PHF21A: variants seen among roughly 807,000 people sequenced by gnomAD.
PHF21A encodes BHC80a.
In PHF21A, 11 loss-of-function variants were observed where a neutral mutation model predicts 82.5. The observed-to-expected ratio is 0.13, with a 90% CI of 0.08 to 0.22. The LOEUF (loss-of-function observed/expected upper bound fraction) is 0.22, where lower values mean the gene tolerates loss of function less well. Ranked by LOEUF, PHF21A falls within the 10% of genes least tolerant of loss-of-function variation. The pLI is 1.00. For missense variants in PHF21A, 579 were observed against 837.8 expected, an observed-to-expected ratio of 0.69 and a Z score of 3.81; for synonymous variants, 297 against 302.8, an observed-to-expected ratio of 0.98 and a Z score of 0.20.
intron 6 of PHF21A, among the ~76,000 whole-genome samples, chr11:46,076,489 A>G (rs2096727417): frequency 6.6e-6 from 1 of 152,228 alleles, no homozygotes; most frequent in Non-Finnish European, 1.5e-5. Context: ...GGTAAACTAT[A>G]GAGTTTAATT....
intron 9 of PHF21A, among the ~76,000 whole-genome samples, chr11:45,966,199 C>T (rs1404676781): frequency 6.6e-6 from 1 of 152,204 alleles, no homozygotes; most frequent in Non-Finnish European, 1.5e-5. Flanking sequence ...TGAAGACTCA[C>T]ACTTTTACCT....
In PHF21A at chr11:45,933,788, A is replaced by AT; in HGVS notation, c.*179dup. 1 of 556,242 alleles carries AT rather than the reference A, an allele frequency of 1.8e-6. No individual in the cohort carries two copies. The highest frequency in any genetic ancestry group is 3.1e-6 in the Non-Finnish European group (1 of 322,602). The allele number at this position is 556,242 out of a possible 1,614,324, so 34.5% of individuals were successfully genotyped here. On this transcript the variant is annotated 3_prime_UTR_variant, in exon 19 of 19. Transcript: ENST00000676320. Reference sequence around the variant, plus strand: ...TCCAATCTTTGCATGTACACACAGAATAAGAAGGATCAATTGGCAAACTCT... The same window carrying AT: ...TCCAATCTTTGCATGTACACACAGAATTAAGAAGGATCAATTGGCAAACTCT...
Position 45,949,492 on chromosome 11 carries a change from G to T in PHF21A, c.1148-11C>A, listed in dbSNP as rs1425926409. 1 of 1,612,764 alleles carries T rather than the reference G, an allele frequency of 6.2e-7. No individual in the cohort carries two copies. The highest frequency in any genetic ancestry group is 8.5e-7 in the Non-Finnish European group (1 of 1,178,718). ...TCTTGCTTTGGATTTCTTGAGAGAAGAAAAGGTTTTCATTAGCAGAGAGGC... is the reference window on the plus strand; with the variant it reads ...TCTTGCTTTGGATTTCTTGAGAGAATAAAAGGTTTTCATTAGCAGAGAGGC... On this transcript the variant is annotated splice_polypyrimidine_tract_variant and intron_variant, in intron 12 of 18. Coordinates refer to ENST00000676320, the MANE Select transcript of PHF21A (RefSeq NM_001352027.3).
intron 11 of PHF21A, 97 bp from the exon 12 acceptor site, chr11:45,950,354 TG>T: frequency 1.1e-6 from 1 of 943,120 alleles, no homozygotes; most frequent in South Asian, 1.5e-5. Context: ...GCCAGCCCAA[TG>T]GGCGGGTCTC....
rs144154266 is a variant in PHF21A, at chr11:46,011,451, C to T, written c.154-31485G>A. 1.6e-3 allele frequency among the ~76,000 whole-genome samples: 250 copies of T among 151,898 alleles called. 1 individual carries two copies. The highest frequency in any genetic ancestry group is 5.7e-3 in the African/African-American group (236 of 41,394). On this transcript the variant is annotated intron_variant, in intron 6 of 18. Coordinates refer to ENST00000676320, the MANE Select transcript of PHF21A (RefSeq NM_001352027.3). ...TTGCAGCAGTGAGCGGAGATGGTGC[C>T]ACTGCACTCCAGCCTGAGCGACAGT...
chr11:46,107,276 A>G (rs1379391744), intron 1 of PHF21A, among the ~76,000 whole-genome samples: 1 of 152,214 alleles, frequency 6.6e-6, no homozygotes, highest in South Asian at 2.1e-4. Flanking sequence ...AGTCTAGAAT[A>G]AAAAAGGAAA....
chr11:45,969,705 G>C, intron 9 of PHF21A, 110 bp downstream of exon 9: 1 of 693,976 alleles, frequency 1.4e-6, no homozygotes, highest in East Asian at 2.7e-5. Context: ...GTTTAGCTAA[G>C]CGGGATAGAC....
chr11:46,043,280 T>A (rs1200084259), intron 6 of PHF21A, among the ~76,000 whole-genome samples: 1 of 152,172 alleles, frequency 6.6e-6, no homozygotes, highest in African/African-American at 2.4e-5. Context: ...AAAGTTATCA[T>A]GTCCAAATAG....
chr11:46,012,763 C>T (rs2095436510), intron 6 of PHF21A, among the ~76,000 whole-genome samples: 1 of 151,790 alleles, frequency 6.6e-6, no homozygotes, highest in Non-Finnish European at 1.5e-5. Flanking sequence ...CAAATCTGGC[C>T]TGCTTAAGGC....
At chr11:46,113,780 C>G (rs986178870) in intron 1 of PHF21A, among the ~76,000 whole-genome samples, 2 of 149,032 alleles carry the variant, frequency 1.3e-5, no homozygotes, top group African/African-American at 5.0e-5. Flanking sequence ...GAGCTAATAT[C>G]GCACCACTGC....
At chr11:46,111,879 T>A (rs529321202) in intron 1 of PHF21A, among the ~76,000 whole-genome samples, 1 of 152,362 alleles carries the variant, frequency 6.6e-6, no homozygotes, top group African/African-American at 2.4e-5. Flanking sequence ...TGTAACACTG[T>A]GAACTACAGT....
chr11:46,077,892 G>T (rs1019519128), intron 5 of PHF21A, among the ~76,000 whole-genome samples: 1 of 152,060 alleles, frequency 6.6e-6, no homozygotes, highest in East Asian at 1.9e-4. Flanking sequence ...CCACCTCTTG[G>T]TTCCCTAAAT....
chr11:46,078,625 C>CTAA (rs1422054920), intron 5 of PHF21A, among the ~76,000 whole-genome samples: 18 of 151,954 alleles, frequency 1.2e-4, no homozygotes, highest in Non-Finnish European at 2.2e-4. Flanking sequence ...CTTTTTAACC[C>CTAA]TCCTTTAAGG....
intron 14 of PHF21A, among the ~76,000 whole-genome samples, chr11:45,946,872 T>C (rs554085869): frequency 6.6e-6 from 1 of 152,348 alleles, no homozygotes; most frequent in African/African-American, 2.4e-5. Flanking sequence ...TTAACTATTC[T>C]TATCCCTTGC....
At chr11:45,937,060 C>T (rs1055924462) in intron 16 of PHF21A, among the ~76,000 whole-genome samples, 12 of 152,296 alleles carry the variant, frequency 7.9e-5, no homozygotes, top group African/African-American at 1.9e-4. Flanking sequence ...TGTCAAAAAT[C>T]GTCAGAAGGT....
intron 6 of PHF21A, among the ~76,000 whole-genome samples, chr11:46,060,089 A>T (rs947842738): frequency 6.6e-6 from 1 of 152,136 alleles, no homozygotes; most frequent in African/African-American, 2.4e-5. Context: ...AAAAGACTTA[A>T]AGGATCTAAA....
chr11:46,061,852 T>G (rs1378079728), intron 6 of PHF21A, among the ~76,000 whole-genome samples: 1 of 152,182 alleles, frequency 6.6e-6, no homozygotes, highest in Non-Finnish European at 1.5e-5. Flanking sequence ...CCTCCTCCAA[T>G]AGCTTCCTCA....
At chr11:46,098,056 T>C (rs1349423727) in intron 1 of PHF21A, among the ~76,000 whole-genome samples, 2 of 152,222 alleles carry the variant, frequency 1.3e-5, no homozygotes, top group Non-Finnish European at 2.9e-5. Context: ...TACAGTACTC[T>C]ATTTCCTTCA....
chr11:45,961,846 C>T (rs567643583), intron 10 of PHF21A, among the ~76,000 whole-genome samples: 6 of 152,320 alleles, frequency 3.9e-5, no homozygotes, highest in South Asian at 2.1e-4. Flanking sequence ...CTGGCTTCAT[C>T]TACTTTTCTG....
Sources: allele counts gnomAD v4.1 joint callset (sites outside exome capture counted in the v4.1 genomes callset), GRCh38; gene constraint gnomAD v4.1.1; transcripts MANE v1.5; gene names NCBI Gene and HGNC (gene_info 2026-07-23, HGNC 2026-07-21).